Variants in RANBP2 observed in about 807,000 individuals in gnomAD.
RANBP2 encodes the protein E3 SUMO-protein ligase RanBP2.
Under a neutral mutation model 303.6 loss-of-function variants are expected in RANBP2, and 57 were observed. That is an observed-to-expected ratio of 0.19 (90% CI 0.15 to 0.23). The LOEUF (loss-of-function observed/expected upper bound fraction) is 0.23. RANBP2 is among the 10% of genes least tolerant of loss of function. The pLI, the probability that RANBP2 is intolerant of heterozygous loss-of-function variation, is 1.00. For missense variants in RANBP2, 3,138 were observed against 3,780.8 expected (o/e 0.83, Z 4.46); for synonymous variants, 1,167 against 1,301.5 (o/e 0.90, Z 2.23).
the RANBP2 span, among the ~76,000 whole-genome samples, chr2:109,048,691 T>C: frequency 6.6e-6 from 1 of 152,220 alleles, no homozygotes; most frequent in Non-Finnish European, 1.5e-5. Flanking sequence ...GCTGCTGTTC[T>C]ATATTCCACA....
At chr2:109,614,967 G>A in the RANBP2 span, 1 of 1,528,856 alleles carries the variant, frequency 6.5e-7, no homozygotes, top group Non-Finnish European at 8.8e-7. Context: ...CTCGCGGCGC[G>A]ACGTGCAGCC....
the RANBP2 span, among the ~76,000 whole-genome samples, chr2:109,163,609 C>T: frequency 2.6e-5 from 4 of 151,452 alleles, no homozygotes; most frequent in African/African-American, 7.3e-5. Context: ...CCGTTTTAGC[C>T]GGGATGGTCT....
the RANBP2 span, among the ~76,000 whole-genome samples, chr2:109,078,098 A>ATATATAGATAGCGTG: frequency 3.3e-4 from 20 of 60,056 alleles, 5 homozygotes; most frequent in East Asian, 0.012. Flanking sequence ...ATATATATAT[A>ATATATAGATAGCGTG]TATATATATA....
chr2:109,731,563 T>G, the RANBP2 span, among the ~76,000 whole-genome samples: 1 of 151,836 alleles, frequency 6.6e-6, no homozygotes, highest in Non-Finnish European at 1.5e-5. Flanking sequence ...CCTGGCTAAT[T>G]TTTGTATTTT....
chr2:108,743,867 T>A (rs1470022292), intron 7 of RANBP2, among the ~76,000 whole-genome samples: 1 of 152,264 alleles, frequency 6.6e-6, no homozygotes, highest in African/African-American at 2.4e-5. Flanking sequence ...TTCTGTAGAA[T>A]GAATATATAA....
the RANBP2 span, among the ~76,000 whole-genome samples, chr2:109,342,943 CTTTTA>C: frequency 2.6e-5 from 4 of 152,046 alleles, no homozygotes; most frequent in Non-Finnish European, 4.4e-5. Flanking sequence ...TTCCTTTTTT[CTTTTA>C]TTTCTTTTTC....
chr2:109,103,397 C>G, the RANBP2 span, among the ~76,000 whole-genome samples: 1 of 152,126 alleles, frequency 6.6e-6, no homozygotes, highest in Non-Finnish European at 1.5e-5. Context: ...TATATAAAAC[C>G]AAGCTATAAC....
the RANBP2 span, chr2:109,501,576 G>A: frequency 2.6e-6 from 2 of 779,818 alleles, no homozygotes; most frequent in South Asian, 1.3e-5. Flanking sequence ...CATCGTCTTT[G>A]TGCACAAGAA....
chr2:109,003,983 A>G, the RANBP2 span, among the ~76,000 whole-genome samples: 3 of 152,212 alleles, frequency 2.0e-5, no homozygotes, highest in African/African-American at 7.2e-5. Flanking sequence ...AGGCTCTTCT[A>G]GCTGACATCA....
chr2:109,060,549 G>A, the RANBP2 span, among the ~76,000 whole-genome samples: 1 of 152,172 alleles, frequency 6.6e-6, no homozygotes, highest in Admixed American at 6.5e-5. Context: ...TAAGAACCTT[G>A]TGAATAGATA....
chr2:108,794,494 C>T, the RANBP2 span: 1 of 1,513,314 alleles, frequency 6.6e-7, no homozygotes, highest in Non-Finnish European at 9.0e-7. Flanking sequence ...ATATTTGAAA[C>T]AATAAGTTAA....
At chr2:109,614,468 C>T in the RANBP2 span, 257 of 1,212,806 alleles carry the variant, frequency 2.1e-4, no homozygotes, top group Admixed American at 1.9e-3. Flanking sequence ...CGCCCGCTGG[C>T]GGGGGAGCAG....
the RANBP2 span, among the ~76,000 whole-genome samples, chr2:109,374,633 C>A: frequency 6.6e-5 from 10 of 152,178 alleles, no homozygotes; most frequent in African/African-American, 2.4e-4. Flanking sequence ...TGATGCTTGT[C>A]CCCTGGTGCA....
chr2:109,010,527 G>T, the RANBP2 span, among the ~76,000 whole-genome samples: 1 of 152,122 alleles, frequency 6.6e-6, no homozygotes, highest in Non-Finnish European at 1.5e-5. Context: ...TGAGATCAAG[G>T]TGCTGGCCGA....
the RANBP2 span, among the ~76,000 whole-genome samples, chr2:109,331,408 G>A: frequency 6.6e-6 from 1 of 152,002 alleles, no homozygotes; most frequent in Non-Finnish European, 1.5e-5. Context: ...ACTGATTGGA[G>A]TGTGAGAACT....
chr2:109,022,060 G>T, the RANBP2 span, among the ~76,000 whole-genome samples: 1 of 152,208 alleles, frequency 6.6e-6, no homozygotes, highest in Admixed American at 6.5e-5. Context: ...CCTCAGAGCC[G>T]TGTGCCCCAG....
the RANBP2 span, among the ~76,000 whole-genome samples, chr2:108,834,384 A>G: frequency 6.6e-6 from 1 of 151,766 alleles, no homozygotes; most frequent in Admixed American, 6.6e-5. Context: ...TAATTTTTGC[A>G]TTTTTAATAG....
chr2:109,464,728 T>G, the RANBP2 span, among the ~76,000 whole-genome samples: 2 of 152,238 alleles, frequency 1.3e-5, no homozygotes, highest in African/African-American at 2.4e-5. Context: ...ATATACTCCC[T>G]GCTCCCACAC....
the RANBP2 span, among the ~76,000 whole-genome samples, chr2:109,713,858 T>C: frequency 3.9e-5 from 6 of 152,326 alleles, no homozygotes; most frequent in African/African-American, 1.4e-4. Flanking sequence ...TTGCTACTCT[T>C]ACACTCAACA....
Sources: allele counts gnomAD v4.1 joint callset (sites outside exome capture counted in the v4.1 genomes callset), GRCh38; gene constraint gnomAD v4.1.1; transcripts MANE v1.5; gene names NCBI Gene and HGNC (gene_info 2026-07-23, HGNC 2026-07-21).